The following ADCY2 variants were observed in gnomAD, a reference collection of about 807,000 sequenced individuals.
ADCY2 encodes adenylate cyclase 2.
A neutral mutation model predicts 125.2 loss-of-function variants in ADCY2; 31 were observed. The observed-to-expected ratio is 0.25, with a 90% CI of 0.19 to 0.33. The LOEUF is 0.33. Among genes scored for constraint, ADCY2 ranks in the 10% least tolerant of loss-of-function variants. The probability of loss-of-function intolerance (pLI) is 1.00; values close to 1 mark genes in which losing one functional copy is unlikely to be tolerated. For synonymous variants in ADCY2, 512 were observed against 548.4 expected, an observed-to-expected ratio of 0.93 and a Z score of 0.93; for missense variants, 904 against 1,418.2, an observed-to-expected ratio of 0.64 and a Z score of 5.82.
chr5:7,709,478 C>A lies in ADCY2; in HGVS notation c.1578+91C>A. 7.2e-7 allele frequency: 1 copy of A among 1,392,758 alleles called. No individual in the cohort carries two copies. The highest frequency in any genetic ancestry group is 9.5e-7 in the Non-Finnish European group (1 of 1,052,532). The allele number at this position is 1,392,758 out of a possible 1,614,324, so 86.3% of individuals were successfully genotyped here. ...TGGGCATCTCCTGCCAAAATAACTC[C>A]TTTCTGTAAGAAACAAACTTATCAC... On this transcript the variant is annotated intron_variant, in intron 10 of 24. Coordinates refer to ENST00000338316, the MANE Select transcript of ADCY2 (RefSeq NM_020546.3). The surrounding 1 kb of genome is among the most constrained non-coding windows in gnomAD (Gnocchi z 4.4).
rs375920482 is a variant in ADCY2, at chr5:7,542,949, G to A, written c.570+22050G>A. ...TAGACAAAGACAGTAACAAAGCCAT[G>A]TTTCTTCATAGCATGAAACAACTGG... On this transcript the variant is annotated intron_variant, in intron 3 of 24. Transcript: ENST00000338316. Among the ~76,000 whole-genome samples, 9 of 152,290 alleles carry A rather than the reference G, an allele frequency of 5.9e-5. No individual in the cohort carries two copies. The South Asian group carries it at 1.0e-3, about 18-fold the overall frequency.
intron 23 of ADCY2, among the ~76,000 whole-genome samples, chr5:7,819,654 C>A (rs76137967): frequency 1.0e-3 from 153 of 152,312 alleles, no homozygotes; most frequent in African/African-American, 3.5e-3. Flanking sequence ...CCCTTTCCCC[C>A]GACCCTCTGT....
intron 2 of ADCY2, among the ~76,000 whole-genome samples, chr5:7,473,580 A>G (rs1742417747): frequency 1.3e-5 from 2 of 152,176 alleles, no homozygotes; most frequent in South Asian, 2.1e-4. Context: ...ATCATATCAG[A>G]GGGCTCTTTT....
chr5:7,785,605 G>T (rs1350773), intron 19 of ADCY2, among the ~76,000 whole-genome samples: 1 of 151,780 alleles, frequency 6.6e-6, no homozygotes, highest in Non-Finnish European at 1.5e-5. Flanking sequence ...ACGACTGGCC[G>T]TCTTTCTGCT....
intron 4 of ADCY2, among the ~76,000 whole-genome samples, chr5:7,666,322 G>A (rs1336539683): frequency 6.6e-6 from 1 of 151,956 alleles, no homozygotes; most frequent in East Asian, 2.0e-4. Context: ...AGGCTGGAGT[G>A]CAGTGGCGCG....
intron 12 of ADCY2, among the ~76,000 whole-genome samples, chr5:7,718,796 A>T (rs568911485): frequency 6.6e-6 from 1 of 152,242 alleles, no homozygotes; most frequent in South Asian, 2.1e-4. Context: ...AAACTGTCAC[A>T]TACTGAGAAA....
rs775027579 is a variant in ADCY2 at position 7,520,917 on chromosome 5, T to A, written c.570+18T>A. On this transcript the variant is annotated intron_variant, in intron 3 of 24. Transcript: ENST00000338316. ...TCTGGCAGGTGGGTGCACCTCCACA[T>A]CCATGGAGAATGACTTTCCACATCC... is the stretch of plus-strand genomic sequence containing the variant. 2.0e-5 allele frequency: 33 copies of A among 1,613,236 alleles called. No individual in the cohort carries two copies. Among genetic ancestry groups the A allele is most frequent in the Non-Finnish European group, 2.7e-5 (32 of 1,179,834 alleles).
chr5:7,530,426 C>A (rs1283747206), intron 3 of ADCY2, among the ~76,000 whole-genome samples: 1 of 152,128 alleles, frequency 6.6e-6, no homozygotes, highest in Non-Finnish European at 1.5e-5. Context: ...GACACTCAGG[C>A]TGGAAGACAA....
chr5:7,410,040 GC>G (rs1381939634), intron 1 of ADCY2, among the ~76,000 whole-genome samples: 9 of 152,204 alleles, frequency 5.9e-5, no homozygotes, highest in African/African-American at 2.2e-4. Context: ...AAAGCTAAAG[GC>G]TGATTTCATT....
chr5:7,819,650 C>T (rs1198918328), intron 23 of ADCY2, among the ~76,000 whole-genome samples: 1 of 152,198 alleles, frequency 6.6e-6, no homozygotes, highest in East Asian at 1.9e-4. Context: ...TTCTCCCTTT[C>T]CCCCGACCCT....
chr5:7,452,465 G>T (rs75470502), intron 2 of ADCY2, among the ~76,000 whole-genome samples: 4,736 of 152,076 alleles, frequency 0.031, 95 homozygotes, highest in South Asian at 0.06. Flanking sequence ...TGTATTCCTT[G>T]GTGTATGTAT....
chr5:7,632,157 C>T (rs1031629242), intron 4 of ADCY2, among the ~76,000 whole-genome samples: 5 of 152,132 alleles, frequency 3.3e-5, no homozygotes, highest in Admixed American at 2.0e-4. Context: ...CTTTGAGGTG[C>T]AGGGCTGGGG....
At chr5:7,589,342 T>A (rs1349541184) in intron 3 of ADCY2, among the ~76,000 whole-genome samples, 4 of 60,278 alleles carry the variant, frequency 6.6e-5, no homozygotes, top group Non-Finnish European at 7.0e-5. Context: ...ATAGACAAAG[T>A]AAAAAAGACT....
chr5:7,763,609 T>TGC lies in ADCY2; in HGVS notation c.2095-3077_2095-3076dup, dbSNP rs1470423616. 5.9e-5 allele frequency among the ~76,000 whole-genome samples: 9 copies of TGC among 152,284 alleles called. No individual in the cohort carries two copies. In the East Asian group the frequency reaches 1.7e-3, roughly 29 times the overall value. ...TCTCCCCAGCCCCAGGTCACCATTG[T>TGC]GCTGCTTCCTATTTCTATGAATTTG... On this transcript the variant is annotated intron_variant, in intron 16 of 24. Coordinates refer to ENST00000338316, the MANE Select transcript of ADCY2 (RefSeq NM_020546.3).
intron 22 of ADCY2, among the ~76,000 whole-genome samples, chr5:7,805,118 C>A (rs113688567): frequency 2.6e-5 from 4 of 151,750 alleles, no homozygotes; most frequent in African/African-American, 9.7e-5. Context: ...GAGTTTGAGA[C>A]CAACCTGGGC....
chr5:7,790,656 G>C (rs964867513), intron 20 of ADCY2, among the ~76,000 whole-genome samples: 3 of 152,198 alleles, frequency 2.0e-5, no homozygotes, highest in African/African-American at 7.2e-5. Flanking sequence ...AATCAAGTTA[G>C]AAGTTTATTT....
chr5:7,763,846 CTG>C (rs772244411), intron 16 of ADCY2, among the ~76,000 whole-genome samples: 5 of 152,192 alleles, frequency 3.3e-5, no homozygotes, highest in Non-Finnish European at 7.3e-5. Flanking sequence ...TGCCATGACT[CTG>C]TACCTCAAAG....
At chr5:7,723,553 C>G (rs1174360340) in intron 12 of ADCY2, among the ~76,000 whole-genome samples, 1 of 152,124 alleles carries the variant, frequency 6.6e-6, no homozygotes, top group African/African-American at 2.4e-5. Context: ...ATACATAGTA[C>G]TTATGCATGC....
intron 2 of ADCY2, among the ~76,000 whole-genome samples, chr5:7,444,204 C>G (rs570727273): frequency 1.3e-5 from 2 of 151,224 alleles, no homozygotes; most frequent in African/African-American, 4.9e-5. Context: ...AGCTCCGCCT[C>G]CCGGGTTCAC....
Sources: gnomAD v4.1 joint callset for allele counts (sites outside exome capture counted in the v4.1 genomes callset) on GRCh38, gnomAD v4.1.1 for gene constraint, Gnocchi (gnomAD v3.1) non-coding constraint, MANE v1.5 for transcripts, NCBI Gene and HGNC (gene_info 2026-07-23, HGNC 2026-07-21) for gene names.